The following NELL2 variants were observed in gnomAD, a reference collection of about 807,000 sequenced individuals.
NELL2 encodes neural EGFL like 2.
NELL2 carries 41 observed loss-of-function variants against 109.6 expected under a neutral mutation model. The observed-to-expected ratio is 0.37, with a 90% CI of 0.29 to 0.49. The LOEUF (loss-of-function observed/expected upper bound fraction) is 0.49. NELL2 is among the 20% of genes least tolerant of loss of function. The pLI is 0.98. For missense variants in NELL2, 900 were observed against 1,008.3 expected, an observed-to-expected ratio of 0.89 and a Z score of 1.45; for synonymous variants, 355 against 344.7, an observed-to-expected ratio of 1.03 and a Z score of -0.33.
At chr12:44,644,530 T>G (rs1284718187) in intron 13 of NELL2, among the ~76,000 whole-genome samples, 1 of 147,452 alleles carries the variant, frequency 6.8e-6, no homozygotes, top group Non-Finnish European at 1.5e-5. Flanking sequence ...CTGTCAATCT[T>G]CTGAAGGACC....
chr12:44,849,671 T>C (rs892633307), intron 2 of NELL2, among the ~76,000 whole-genome samples: 6 of 152,140 alleles, frequency 3.9e-5, no homozygotes, highest in African/African-American at 1.4e-4. Context: ...AAAGTAAATG[T>C]CCAAAAGAAA....
intron 15 of NELL2, among the ~76,000 whole-genome samples, chr12:44,592,009 T>A (rs752139058): frequency 1.3e-5 from 2 of 152,166 alleles, no homozygotes; most frequent in African/African-American, 4.8e-5. Context: ...GGATACTTCT[T>A]GTTAGACAAA....
intron 1 of NELL2, among the ~76,000 whole-genome samples, chr12:44,907,201 A>G (rs948494982): frequency 6.6e-6 from 1 of 152,100 alleles, no homozygotes; most frequent in African/African-American, 2.4e-5. Context: ...TCTTTCCTTC[A>G]TAAATTACCC....
chr12:44,541,892 T>C (rs1002977738), intron 15 of NELL2, among the ~76,000 whole-genome samples: 7 of 152,226 alleles, frequency 4.6e-5, no homozygotes, highest in Non-Finnish European at 8.8e-5. Context: ...AATGAAAGTT[T>C]AAGTATTTTT....
At chr12:44,716,809 G>A (rs974548285) in intron 9 of NELL2, among the ~76,000 whole-genome samples, 1 of 152,022 alleles carries the variant, frequency 6.6e-6, no homozygotes, top group South Asian at 2.1e-4. Flanking sequence ...ATCTTACACA[G>A]AGGGGAAAGG....
chr12:44,775,906 G>A (rs568825496), intron 8 of NELL2, 116 bp downstream of exon 8: 2 of 1,161,714 alleles, frequency 1.7e-6, no homozygotes, highest in South Asian at 1.6e-5. Flanking sequence ...TGACACTTTA[G>A]TGTTGTGTCT....
At chr12:44,523,611 G>T in intron 16 of NELL2, 127 bp from the exon 17 acceptor site, 1 of 717,354 alleles carries the variant, frequency 1.4e-6, no homozygotes, top group Non-Finnish European at 2.3e-6. Flanking sequence ...TTACTGGCTT[G>T]CATTTGTGAT....
intron 15 of NELL2, among the ~76,000 whole-genome samples, chr12:44,580,444 C>T (rs1179054813): frequency 2.0e-5 from 3 of 152,126 alleles, no homozygotes; most frequent in South Asian, 2.1e-4. Flanking sequence ...CAGCTGGGTG[C>T]GGTGGCTTAC....
At chr12:44,539,050 G>T (rs1303346074) in intron 15 of NELL2, among the ~76,000 whole-genome samples, 1 of 151,940 alleles carries the variant, frequency 6.6e-6, no homozygotes, top group Non-Finnish European at 1.5e-5. Flanking sequence ...AAGCTTTCCT[G>T]GACTCCAGAG....
intron 2 of NELL2, among the ~76,000 whole-genome samples, chr12:44,843,027 G>A (rs892743815): frequency 5.3e-5 from 8 of 152,134 alleles, no homozygotes; most frequent in African/African-American, 1.7e-4. Flanking sequence ...GTTGTTTTAC[G>A]CTACTAAGTG....
intron 3 of NELL2, among the ~76,000 whole-genome samples, chr12:44,783,212 A>C (rs1413183248): frequency 1.3e-5 from 2 of 151,670 alleles, no homozygotes; most frequent in Non-Finnish European, 2.9e-5. Flanking sequence ...AATATCAAAA[A>C]TTGCCAAAAA....
At chr12:44,837,182 T>C (rs1402395140) in intron 2 of NELL2, among the ~76,000 whole-genome samples, 1 of 152,230 alleles carries the variant, frequency 6.6e-6, no homozygotes, top group Non-Finnish European at 1.5e-5. Context: ...ATTCACTATG[T>C]TGGTACTATT....
In NELL2 at chr12:44,875,886, G is replaced by A; in HGVS notation, c.-17C>T. On this transcript the variant is annotated 5_prime_UTR_variant, in exon 1 of 20. Coordinates refer to ENST00000429094, the MANE Select transcript of NELL2 (RefSeq NM_001145108.2). ...AGACTCCATGGTGCGGATCAGCTCAGTCCATCGTCTCCCTCTTTAAAAATA... is the reference window on the plus strand; with the variant it reads ...AGACTCCATGGTGCGGATCAGCTCAATCCATCGTCTCCCTCTTTAAAAATA... 6.2e-7 allele frequency: 1 copy of A among 1,613,946 alleles called. No homozygotes were observed. The highest frequency in any genetic ancestry group is 8.5e-7 in the Non-Finnish European group (1 of 1,180,030).
chr12:44,595,418 T>G (rs1944916229), intron 15 of NELL2, among the ~76,000 whole-genome samples: 1 of 152,086 alleles, frequency 6.6e-6, no homozygotes. Flanking sequence ...AAGAGTTACT[T>G]TAACTTGTTT....
At chr12:44,774,225 C>T (rs1193711896) in intron 9 of NELL2, among the ~76,000 whole-genome samples, 2 of 152,212 alleles carry the variant, frequency 1.3e-5, no homozygotes, top group African/African-American at 4.8e-5. Flanking sequence ...TATATAATGA[C>T]TGCTAAAAGG....
chr12:44,699,403 T>C (rs982923186), intron 12 of NELL2, among the ~76,000 whole-genome samples: 2 of 152,112 alleles, frequency 1.3e-5, no homozygotes, highest in African/African-American at 4.8e-5. Context: ...TATAAATATC[T>C]GAGGTGTTGC....
chr12:44,904,310 CT>C (rs1444666625), intron 1 of NELL2, among the ~76,000 whole-genome samples: 5 of 152,262 alleles, frequency 3.3e-5, no homozygotes, highest in Admixed American at 3.3e-4. Flanking sequence ...ATCCCATTTT[CT>C]TTTATTCTAA....
rs75965586 is a variant in NELL2, at chr12:44,758,564, C to A, written c.994+16183G>T. Among the ~76,000 whole-genome samples the A allele has an allele frequency of 6.1e-3, 929 of 152,242 alleles. 15 individuals are homozygous for A. Among genetic ancestry groups the A allele is most frequent in the African/African-American group, 0.021 (888 of 41,548 alleles). Reference sequence around the variant, plus strand: ...ATGAAAGAGGGGTCAAAATATGAAACACCTTACTCAATGAATGTTGCAACA... The same window carrying A: ...ATGAAAGAGGGGTCAAAATATGAAAAACCTTACTCAATGAATGTTGCAACA... On this transcript the variant is annotated intron_variant, in intron 9 of 19. Transcript: ENST00000429094.
At chr12:44,855,199 T>C (rs1374815319) in intron 2 of NELL2, among the ~76,000 whole-genome samples, 1 of 152,182 alleles carries the variant, frequency 6.6e-6, no homozygotes, top group Non-Finnish European at 1.5e-5. Context: ...GGCTACTGTA[T>C]TGGAGAGCTC....
Sources: allele counts gnomAD v4.1 joint callset (sites outside exome capture counted in the v4.1 genomes callset), GRCh38; gene constraint gnomAD v4.1.1; transcripts MANE v1.5; gene names NCBI Gene and HGNC (gene_info 2026-07-23, HGNC 2026-07-21).